SLC14A2: variants seen among roughly 807,000 people sequenced by gnomAD.
SLC14A2 encodes the protein urea transporter 2.
SLC14A2 carries 91 observed loss-of-function variants against 104.6 expected under a neutral mutation model. The observed-to-expected ratio is 0.87, with a 90% CI of 0.73 to 1.04. SLC14A2 has a LOEUF of 1.04. SLC14A2 is among the 50% of genes least tolerant of loss of function. The probability of loss-of-function intolerance (pLI) is 0.00; values close to 1 mark genes in which losing one functional copy is unlikely to be tolerated. For missense variants in SLC14A2, 1,189 were observed against 1,156.0 expected, an observed-to-expected ratio of 1.03 and a Z score of -0.41; for synonymous variants, 476 against 466.4, an observed-to-expected ratio of 1.02 and a Z score of -0.27.
At chr18:45,286,316 T>C (rs2084814257) in intron 1 of SLC14A2, among the ~76,000 whole-genome samples, 1 of 152,226 alleles carries the variant, frequency 6.6e-6, no homozygotes, top group Non-Finnish European at 1.5e-5. Flanking sequence ...TTCAGCAATG[T>C]GTCAAATGTA....
chr18:45,408,730 C>A (rs1029582719), intron 1 of SLC14A2, among the ~76,000 whole-genome samples: 14 of 151,670 alleles, frequency 9.2e-5, no homozygotes, highest in African/African-American at 3.4e-4. Context: ...CGTGAAAATT[C>A]AAAATTGTTG....
At chr18:45,331,108 A>G (rs970135229) in intron 1 of SLC14A2, among the ~76,000 whole-genome samples, 3 of 152,196 alleles carry the variant, frequency 2.0e-5, no homozygotes, top group Non-Finnish European at 4.4e-5. Flanking sequence ...GACATATATG[A>G]CACCATTCAA....
At chr18:45,446,897 G>T (rs994952347) in intron 1 of SLC14A2, among the ~76,000 whole-genome samples, 1 of 152,132 alleles carries the variant, frequency 6.6e-6, no homozygotes, top group South Asian at 2.1e-4. Context: ...ATTTTCATGA[G>T]CCCTCGGCTT....
At chr18:45,598,505 T>TA (rs905153163) in intron 2 of SLC14A2, among the ~76,000 whole-genome samples, 16 of 151,890 alleles carry the variant, frequency 1.1e-4, no homozygotes, top group East Asian at 3.9e-4. Flanking sequence ...TCCATAAAAA[T>TA]AAAAAAAATT....
intron 1 of SLC14A2, among the ~76,000 whole-genome samples, chr18:45,475,656 T>TATATATATTTAGG (rs1568227966): frequency 2.1e-4 from 14 of 65,742 alleles, no homozygotes; most frequent in Non-Finnish European, 2.0e-4. Context: ...TATATATATA[T>TATATATATTTAGG]ATATATATAT....
chr18:45,198,673 G>C, the SLC14A2 span, among the ~76,000 whole-genome samples: 1 of 151,992 alleles, frequency 6.6e-6, no homozygotes, highest in Non-Finnish European at 1.5e-5. Flanking sequence ...TTGTAAGTTA[G>C]GCATTTTATT....
At chr18:45,422,329 T>C (rs2086360867) in intron 1 of SLC14A2, among the ~76,000 whole-genome samples, 1 of 152,136 alleles carries the variant, frequency 6.6e-6, no homozygotes, top group Non-Finnish European at 1.5e-5. Flanking sequence ...GAGATTTCAC[T>C]AGCAAAAAAT....
intron 1 of SLC14A2, among the ~76,000 whole-genome samples, chr18:45,420,432 A>C (rs2086330833): frequency 6.6e-6 from 1 of 152,160 alleles, no homozygotes; most frequent in Non-Finnish European, 1.5e-5. Context: ...ACAGATCCAC[A>C]CGAGGATGGT....
chr18:45,567,647 G>C (rs2144326983), intron 2 of SLC14A2, among the ~76,000 whole-genome samples: 1 of 152,310 alleles, frequency 6.6e-6, no homozygotes, highest in East Asian at 1.9e-4. Context: ...GAGGAAGGCA[G>C]AACTCCTGGT....
intron 1 of SLC14A2, among the ~76,000 whole-genome samples, chr18:45,218,896 TAA>T (rs59483107): frequency 2.8e-5 from 4 of 143,108 alleles, no homozygotes; most frequent in Admixed American, 7.1e-5. Flanking sequence ...CTTGCTGCTT[TAA>T]AAAAAAAAAA....
intron 1 of SLC14A2, among the ~76,000 whole-genome samples, chr18:45,216,415 C>G (rs2084011023): frequency 6.6e-6 from 1 of 152,198 alleles, no homozygotes; most frequent in Non-Finnish European, 1.5e-5. Context: ...AGTCTGATTC[C>G]TGAATACTTT....
At chr18:45,394,736 T>C (rs2077069221) in intron 1 of SLC14A2, among the ~76,000 whole-genome samples, 1 of 152,070 alleles carries the variant, frequency 6.6e-6, no homozygotes, top group Non-Finnish European at 1.5e-5. Flanking sequence ...GTTGTAGGAG[T>C]TTCTTATGTA....
intron 1 of SLC14A2, among the ~76,000 whole-genome samples, chr18:45,442,946 T>G (rs972299898): frequency 6.6e-6 from 1 of 152,206 alleles, no homozygotes; most frequent in Non-Finnish European, 1.5e-5. Context: ...TTGTTGAAGC[T>G]TTTAGACTGT....
chr18:45,637,180 C>G lies in SLC14A2; in HGVS notation c.841C>G (p.Leu281Val). Residue 281 changes from leucine (L) to valine (V), a missense_variant and splice_region_variant, in exon 6 of 20, where the codon CTG becomes GTG. By Grantham distance (32) the Leu-to-Val change is conservative. Transcript: ENST00000255226. The stretch of plus-strand genomic sequence containing the variant: ...CACCTGGACAGAGATGGAAATGCCC[C>G]TGGTAAGTTACCCAGCGGTGATGAG... ...NITWTEMEMPLLLQAIPVGVG... is the reference protein window; with the variant it reads ...NITWTEMEMPVLLQAIPVGVG... The G allele has an allele frequency of 6.2e-7, 1 of 1,613,444 alleles. No individual in the cohort carries two copies. Among genetic ancestry groups the G allele is most frequent in the South Asian group, 1.1e-5 (1 of 90,962 alleles).
At chr18:45,395,705 C>T (rs2086022150) in intron 1 of SLC14A2, among the ~76,000 whole-genome samples, 1 of 152,144 alleles carries the variant, frequency 6.6e-6, no homozygotes, top group African/African-American at 2.4e-5. Flanking sequence ...CCCACCCACT[C>T]AGAGCCCTGC....
At chr18:45,567,602 G>T (rs1043577628) in intron 2 of SLC14A2, among the ~76,000 whole-genome samples, 1 of 152,156 alleles carries the variant, frequency 6.6e-6, no homozygotes. Flanking sequence ...GTGTCCAGGG[G>T]TTAGCCCGGT....
At chr18:45,460,812 G>A (rs1233709292) in intron 1 of SLC14A2, among the ~76,000 whole-genome samples, 1 of 152,120 alleles carries the variant, frequency 6.6e-6, no homozygotes, top group Non-Finnish European at 1.5e-5. Context: ...AAAATGAGTA[G>A]GCCTTGACCT....
chr18:45,624,611 T>A lies in SLC14A2; in HGVS notation c.-34-20T>A. The A allele has an allele frequency of 1.3e-6, 2 of 1,563,980 alleles. No homozygotes were observed. Among genetic ancestry groups the A allele is most frequent in the East Asian group, 2.3e-5 (1 of 43,952 alleles). On this transcript the variant is annotated intron_variant, in intron 1 of 19. Coordinates refer to ENST00000255226, the MANE Select transcript of SLC14A2 (RefSeq NM_007163.4). ...GGCCCCGTCCTGACTCACTAGCTCT[T>A]TCCCTTTCCTTCCGTCTAGTCCATC...
chr18:45,538,434 G>A (rs530649104), intron 2 of SLC14A2, among the ~76,000 whole-genome samples: 1 of 152,288 alleles, frequency 6.6e-6, no homozygotes, highest in East Asian at 1.9e-4. Context: ...CCAAGGCCAC[G>A]GTCATTTCAA....
Sources: allele counts gnomAD v4.1 joint callset (sites outside exome capture counted in the v4.1 genomes callset), GRCh38; gene constraint gnomAD v4.1.1; transcripts MANE v1.5; gene names NCBI Gene and HGNC (gene_info 2026-07-23, HGNC 2026-07-21).